Variants in LCP1 observed in about 807,000 individuals in gnomAD.
LCP1 encodes lymphocyte cytosolic protein 1.
Under a neutral mutation model 72.0 loss-of-function variants are expected in LCP1, and 23 were observed. The observed-to-expected ratio is 0.32, with a 90% CI of 0.23 to 0.45. LCP1 has a LOEUF of 0.45. LCP1 is among the 20% of genes least tolerant of loss of function. The pLI, the probability that LCP1 is intolerant of heterozygous loss-of-function variation, is 1.00. For synonymous variants in LCP1, 245 were observed against 275.4 expected (o/e 0.89, Z 1.09); for missense variants, 571 against 748.3 (o/e 0.76, Z 2.76).
At chr13:46,173,736 A>G (rs1566446904) in intron 1 of LCP1, among the ~76,000 whole-genome samples, 1 of 152,194 alleles carries the variant, frequency 6.6e-6, no homozygotes, top group Non-Finnish European at 1.5e-5. Context: ...CAGAACTGGT[A>G]CATGATACCA....
chr13:46,159,538 T>C, intron 2 of LCP1, 61 bp downstream of exon 2: 2 of 1,346,894 alleles, frequency 1.5e-6, no homozygotes, highest in Non-Finnish European at 2.1e-6. Context: ...TCATTGAATC[T>C]ACCCTGAAGC....
intron 15 of LCP1, among the ~76,000 whole-genome samples, chr13:46,128,190 A>G (rs2045611464): frequency 6.6e-6 from 1 of 152,180 alleles, no homozygotes; most frequent in African/African-American, 2.4e-5. Flanking sequence ...GCTACATAGC[A>G]GCATAGCAGA....
chr13:46,150,204 G>A (rs2045755583), intron 8 of LCP1, among the ~76,000 whole-genome samples: 1 of 152,184 alleles, frequency 6.6e-6, no homozygotes. Flanking sequence ...GTATTTTCCT[G>A]GTGTTGCATC....
intron 6 of LCP1, 182 bp from the exon 7 acceptor site, chr13:46,153,127 C>CCAGA: frequency 1.8e-6 from 1 of 569,150 alleles, no homozygotes; most frequent in Non-Finnish European, 3.0e-6. Flanking sequence ...ATCCAGTAAC[C>CCAGA]CAGACACCGA....
chr13:46,173,132 GTTCCTCGC>G (rs1200612205), intron 1 of LCP1, among the ~76,000 whole-genome samples: 4 of 152,192 alleles, frequency 2.6e-5, no homozygotes, highest in Non-Finnish European at 5.9e-5. Flanking sequence ...AAAAGCTAAT[GTTCCTCGC>G]TTCCTTTATG....
At chr13:46,159,904 G>T (rs2045827607) in intron 1 of LCP1, among the ~76,000 whole-genome samples, 1 of 152,216 alleles carries the variant, frequency 6.6e-6, no homozygotes, top group African/African-American at 2.4e-5. Context: ...TTCCCTCTCG[G>T]TCTATACAGA....
intron 9 of LCP1, among the ~76,000 whole-genome samples, chr13:46,147,959 T>C (rs1438003462): frequency 1.3e-5 from 2 of 152,216 alleles, no homozygotes; most frequent in African/African-American, 4.8e-5. Flanking sequence ...CATGAACTCA[T>C]TGGATTTAAC....
intron 1 of LCP1, among the ~76,000 whole-genome samples, chr13:46,171,809 A>G (rs534191386): frequency 6.6e-6 from 1 of 152,394 alleles, no homozygotes; most frequent in East Asian, 1.9e-4. Flanking sequence ...CACAGGTTTC[A>G]ATGGTGTGCG....
intron 11 of LCP1, 83 bp from the exon 12 acceptor site, chr13:46,143,487 T>G (rs979518751): frequency 3.4e-6 from 3 of 876,468 alleles, no homozygotes; most frequent in African/African-American, 3.3e-5. Flanking sequence ...TTCTTACATA[T>G]TAGTTCAAAG....
chr13:46,141,139 G>A (rs1003833783), intron 13 of LCP1, among the ~76,000 whole-genome samples: 1 of 152,108 alleles, frequency 6.6e-6, no homozygotes, highest in Admixed American at 6.5e-5. Context: ...TGGGCATGGT[G>A]GCTCATGCCT....
chr13:46,159,540 C>T (rs2045824777), intron 2 of LCP1, 59 bp downstream of exon 2: 26 of 1,371,840 alleles, frequency 1.9e-5, no homozygotes, highest in Non-Finnish European at 2.6e-5. Context: ...ATTGAATCTA[C>T]CCTGAAGCTA....
At chr13:46,143,444 C>T in intron 11 of LCP1, 40 bp from the exon 12 acceptor site, 1 of 1,396,406 alleles carries the variant, frequency 7.2e-7, no homozygotes, top group South Asian at 1.2e-5. Flanking sequence ...AGATATCCAA[C>T]ATTTATTCAG....
intron 1 of LCP1, among the ~76,000 whole-genome samples, chr13:46,180,637 G>A (rs114813970): frequency 6.6e-6 from 1 of 152,202 alleles, no homozygotes; most frequent in South Asian, 2.1e-4. Flanking sequence ...GGGTGAGCTA[G>A]AATGAAGAGG....
chr13:46,146,792 A>T, intron 10 of LCP1, 116 bp downstream of exon 10: 1 of 1,002,814 alleles, frequency 1.0e-6, no homozygotes, highest in Non-Finnish European at 1.6e-6. Flanking sequence ...CCAGAGAATT[A>T]ATGGCCTGTT....
At chr13:46,152,221 A>T (rs538720069) in intron 7 of LCP1, among the ~76,000 whole-genome samples, 9 of 151,226 alleles carry the variant, frequency 6.0e-5, no homozygotes, top group Admixed American at 2.6e-4. Context: ...TTTTTGTAGG[A>T]AGAGTGCCTG....
intron 15 of LCP1, 144 bp from the exon 16 acceptor site, chr13:46,127,867 C>T: frequency 3.1e-6 from 3 of 965,070 alleles, no homozygotes; most frequent in Non-Finnish European, 3.0e-6. Flanking sequence ...AGCATCCTCA[C>T]ACTTTTGTGG....
rs80266547 is a variant in LCP1 at position 46,142,283 on chromosome 13, C to A, written c.1502+9G>T. On this transcript the variant is annotated intron_variant, in intron 13 of 15. Transcript: ENST00000323076. ...TTCAAGAAAAAGCCACTTCCATAAG[C>A]TATACTACCTTCTCATTAGCTGCCA... 18,215 of 1,612,840 alleles carry A rather than the reference C, an allele frequency of 0.011. 149 individuals carry two copies. The highest frequency in any genetic ancestry group is 0.014 in the Non-Finnish European group (16,339 of 1,179,132).
chr13:46,127,736 A>C lies in LCP1; in HGVS notation c.1752-13T>G. ...AGAGATGGCATATCTAAAAGGGAGA[A>C]AAGAGGAAAAATAAGGAGAGCCTGA... On this transcript the variant is annotated splice_polypyrimidine_tract_variant and intron_variant, in intron 15 of 15. Coordinates refer to ENST00000323076, the MANE Select transcript of LCP1 (RefSeq NM_002298.5). 6.2e-7 allele frequency: 1 copy of C among 1,614,120 alleles called. No individual in the cohort carries two copies. Among genetic ancestry groups the C allele is most frequent in the Non-Finnish European group, 8.5e-7 (1 of 1,180,000 alleles).
intron 14 of LCP1, among the ~76,000 whole-genome samples, chr13:46,131,732 T>A (rs1339141103): frequency 6.6e-6 from 1 of 152,166 alleles, no homozygotes; most frequent in African/African-American, 2.4e-5. Flanking sequence ...GAGGCCATTA[T>A]CCTAAGTGAA....
Sources: allele counts gnomAD v4.1 joint callset (sites outside exome capture counted in the v4.1 genomes callset), GRCh38; gene constraint gnomAD v4.1.1; transcripts MANE v1.5; gene names NCBI Gene and HGNC (gene_info 2026-07-23, HGNC 2026-07-21).